Variants in SMG5 observed in about 807,000 individuals in gnomAD.
SMG5 encodes the protein nonsense-mediated mRNA decay factor SMG5.
In SMG5, 53 loss-of-function variants were observed where a neutral mutation model predicts 122.9. The ratio of observed to expected loss-of-function variants is 0.43; its 90% CI spans 0.35 to 0.54. The LOEUF (loss-of-function observed/expected upper bound fraction) is 0.54, where lower values mean the gene tolerates loss of function less well. Ranked by LOEUF, SMG5 falls within the 20% of genes least tolerant of loss-of-function variation. The probability of loss-of-function intolerance (pLI) is 0.01; values close to 1 mark genes in which losing one functional copy is unlikely to be tolerated. For missense variants in SMG5, 1,153 were observed against 1,285.6 expected (o/e 0.90, Z 1.58); for synonymous variants, 477 against 490.2 (o/e 0.97, Z 0.35).
At chr1:156,287,719 C>A (rs1245905846), upstream of SMG5, among the ~76,000 whole-genome samples, 1 of 150,204 alleles carries the variant, frequency 6.7e-6, no homozygotes, top group Admixed American at 6.7e-5. Context: ...TGGGTTCAAG[C>A]GATTCTCCTG....
In SMG5 at chr1:156,250,552, G is replaced by A. The variant is rs1661302037; in HGVS notation, c.*35C>T. On this transcript the variant is annotated 3_prime_UTR_variant, in exon 22 of 22. Coordinates refer to ENST00000361813, the MANE Select transcript of SMG5 (RefSeq NM_015327.3). ...CTGCCAGGGAGGGCAGGAGAGATCT[G>A]GAGTCAGCCCCACTGCAGGGCCTGG... 3.2e-6 allele frequency: 5 copies of A among 1,579,540 alleles called. No individual in the cohort carries two copies. Among genetic ancestry groups the A allele is most frequent in the Non-Finnish European group, 4.4e-6 (5 of 1,148,598 alleles).
chr1:156,252,825 G>T, intron 18 of SMG5, 94 bp downstream of exon 18: 2 of 1,317,692 alleles, frequency 1.5e-6, no homozygotes, highest in Non-Finnish European at 2.0e-6. Flanking sequence ...CAAGGTTACT[G>T]CATATAAACT....
In SMG5 at chr1:156,252,721, T is replaced by C. The variant is rs116084482; in HGVS notation, c.2662+198A>G. Among the ~76,000 whole-genome samples the C allele has an allele frequency of 2.7e-3, 409 of 152,326 alleles. 1 individual carries two copies. Among genetic ancestry groups the C allele is most frequent in the African/African-American group, 9.5e-3 (393 of 41,560 alleles). ...GCTTTCTCATTATATTCACTTACAT[T>C]TTCTGTTTCTCCCAACTGTCTTGTA... On this transcript the variant is annotated intron_variant, in intron 18 of 21. Transcript: ENST00000361813.
chr1:156,288,246 G>A, the SMG5 span, among the ~76,000 whole-genome samples: 2 of 149,284 alleles, frequency 1.3e-5, no homozygotes, highest in Admixed American at 6.7e-5. Flanking sequence ...ATGAACTACT[G>A]TTAATCTAGA....
chr1:156,261,523 G>A (rs962501852), intron 13 of SMG5, 115 bp from the exon 14 acceptor site: 3 of 790,394 alleles, frequency 3.8e-6, no homozygotes, highest in East Asian at 5.4e-5. Flanking sequence ...GCCTGTGGGG[G>A]TTTGATTTTA....
At chr1:156,261,742 T>C (rs1661847581) in intron 13 of SMG5, among the ~76,000 whole-genome samples, 1 of 151,718 alleles carries the variant, frequency 6.6e-6, no homozygotes, top group Non-Finnish European at 1.5e-5. Flanking sequence ...ACAAAAAAAT[T>C]AGCCAGGCAT....
chr1:156,282,689 G>A lies in SMG5; in HGVS notation c.-9C>T. ...GGGGGGCCTTGGCTCATGGTGCCCGGGTCCGGGGGCAGCTCCCGGTCACAG... is the reference window on the plus strand; with the variant it reads ...GGGGGGCCTTGGCTCATGGTGCCCGAGTCCGGGGGCAGCTCCCGGTCACAG... On this transcript the variant is annotated 5_prime_UTR_variant, in exon 1 of 22. Coordinates refer to ENST00000361813, the MANE Select transcript of SMG5 (RefSeq NM_015327.3). 1 of 1,597,770 alleles carries A rather than the reference G, an allele frequency of 6.3e-7. No homozygotes were observed. The highest frequency in any genetic ancestry group is 8.5e-7 in the Non-Finnish European group (1 of 1,177,210).
chr1:156,282,036 G>T (rs566674869), intron 1 of SMG5, among the ~76,000 whole-genome samples: 28 of 152,308 alleles, frequency 1.8e-4, no homozygotes, highest in Admixed American at 1.7e-3. Flanking sequence ...AAAGTCGTTC[G>T]TGACCCTTCC....
rs895445316 is a variant in SMG5 at position 156,253,610 on chromosome 1, T to C, written c.2443-102A>G. On this transcript the variant is annotated intron_variant, in intron 16 of 21. Coordinates refer to ENST00000361813, the MANE Select transcript of SMG5 (RefSeq NM_015327.3). ...TTCCTGGGGTCTCAGTGTGACCTCA[T>C]GCAAAGTCACTCTCTAGCACTGCTG... The C allele has an allele frequency of 3.8e-6, 4 of 1,043,762 alleles. No individual in the cohort carries two copies. The African/African-American group carries it at 6.3e-5, about 16-fold the overall frequency. 64.7% of individuals were successfully genotyped at this position (1,043,762 alleles called of 1,614,324 possible).
upstream of SMG5, chr1:156,286,322 C>A: frequency 6.2e-7 from 1 of 1,614,216 alleles, no homozygotes. Flanking sequence ...TGGGGAGCCA[C>A]GGCGGGAGGT....
At chr1:156,260,261 A>G (rs1189959449) in intron 15 of SMG5, among the ~76,000 whole-genome samples, 190 bp downstream of exon 15, 1 of 152,190 alleles carries the variant, frequency 6.6e-6, no homozygotes, top group Non-Finnish European at 1.5e-5. Context: ...CTTTAGAAGG[A>G]CTGCCAAGGC....
At chr1:156,256,580 C>T (rs952667376) in intron 16 of SMG5, among the ~76,000 whole-genome samples, 5 of 152,050 alleles carry the variant, frequency 3.3e-5, no homozygotes, top group African/African-American at 1.2e-4. Flanking sequence ...TGTAAAAGCT[C>T]CCCCAGAGAA....
In SMG5 at chr1:156,249,952, C is replaced by T; in HGVS notation, c.*635G>A. 2.1e-6 allele frequency: 1 copy of T among 470,972 alleles called. No homozygotes were observed. Among genetic ancestry groups the T allele is most frequent in the Non-Finnish European group, 4.4e-6 (1 of 226,932 alleles). 29.2% of individuals were successfully genotyped at this position (470,972 alleles called of 1,614,324 possible). On this transcript the variant is annotated 3_prime_UTR_variant, in exon 22 of 22. Coordinates refer to ENST00000361813, the MANE Select transcript of SMG5 (RefSeq NM_015327.3). ...AGAAGTGGGGCAATGGGATGTGCAG[C>T]CCCTGCAGCAGGAGGAGGAGCACAC...
Position 156,268,305 on chromosome 1 carries a change from G to A in SMG5, c.824C>T (p.Ser275Phe). The change falls in exon 8 of 22, where the codon TCT becomes TTT. Residue 275 changes from serine (S) to phenylalanine (F), a missense_variant. By Grantham distance (155) the Ser-to-Phe change is radical (BLOSUM62 -2). Transcript: ENST00000361813. ...QLKKCETRKL[S>F]PGKKRCKDIK... ...CCCCACTCACCGCTTTTTGCCAGGA[G>A]ACAGTTTCCGAGTCTCACACTTCTT... The A allele has an allele frequency of 1.9e-6, 3 of 1,614,130 alleles. 1 individual carries two copies. The highest frequency in any genetic ancestry group is 2.2e-5 in the South Asian group (2 of 91,070).
chr1:156,257,243 T>C (rs888700692), intron 16 of SMG5, among the ~76,000 whole-genome samples: 2 of 152,124 alleles, frequency 1.3e-5, no homozygotes, highest in African/African-American at 4.8e-5. Flanking sequence ...TTCTTATCTA[T>C]AAAATGGAGG....
In SMG5 at chr1:156,266,688, G is replaced by T. The variant is rs1244334725; in HGVS notation, c.1118-10C>A. 1 of 1,614,024 alleles carries T rather than the reference G, an allele frequency of 6.2e-7. No individual in the cohort carries two copies. The highest frequency in any genetic ancestry group is 2.2e-5 in the East Asian group (1 of 44,884). On this transcript the variant is annotated splice_polypyrimidine_tract_variant and intron_variant, in intron 10 of 21. Coordinates refer to ENST00000361813, the MANE Select transcript of SMG5 (RefSeq NM_015327.3). Reference sequence around the variant, plus strand: ...CTGTACTGCTTGGATCCTGAAGTCAGGAAAGCCAGGCATTAGGGGCCTAGG... The same window carrying T: ...CTGTACTGCTTGGATCCTGAAGTCATGAAAGCCAGGCATTAGGGGCCTAGG...
rs1373548045 is a variant in SMG5, at chr1:156,249,914, G to A, written c.*673C>T. On this transcript the variant is annotated 3_prime_UTR_variant, in exon 22 of 22. Transcript: ENST00000361813. ...TCCCTGCCCTGGAAGCTAGACAGAG[G>A]GAGACACAAAGCAGAAGTGGGGCAA... The A allele has an allele frequency of 1.1e-5, 5 of 471,078 alleles. No homozygotes were observed. The East Asian group carries it at 2.1e-4, about 20-fold the overall frequency. 29.2% of individuals were successfully genotyped at this position (471,078 alleles called of 1,614,324 possible). A position where few individuals can be genotyped will look rare whatever the true frequency, so the allele number is the denominator to read the frequency against.
upstream of SMG5, chr1:156,286,344 G>A (rs764590643): frequency 6.2e-6 from 10 of 1,614,034 alleles, no homozygotes; most frequent in Admixed American, 5.0e-5. Flanking sequence ...GAGATCCACC[G>A]GCGATATGTG....
chr1:156,278,425 C>T (rs899810890), intron 2 of SMG5, among the ~76,000 whole-genome samples: 10 of 148,980 alleles, frequency 6.7e-5, no homozygotes, highest in Non-Finnish European at 1.3e-4. Flanking sequence ...GTGGCAGTGG[C>T]GGGATCATAG....
Sources: gnomAD v4.1 joint callset for allele counts (sites outside exome capture counted in the v4.1 genomes callset) on GRCh38, gnomAD v4.1.1 for gene constraint, MANE v1.5 for transcripts, NCBI Gene and HGNC (gene_info 2026-07-23, HGNC 2026-07-21) for gene names.